The following KCNH5 variants were observed in gnomAD, a reference collection of about 807,000 sequenced individuals.
The protein encoded by KCNH5 is potassium voltage-gated channel subfamily H member 5, also known as voltage-gated delayed rectifier potassium channel KCNH5.
A neutral mutation model predicts 96.1 loss-of-function variants in KCNH5; 46 were observed. The ratio of observed to expected loss-of-function variants is 0.48; its 90% CI spans 0.38 to 0.61. The LOEUF is 0.61. Ranked by LOEUF, KCNH5 falls within the 20% of genes least tolerant of loss-of-function variation. KCNH5 has a pLI of 0.00. For synonymous variants in KCNH5, 439 were observed against 449.8 expected (o/e 0.98, Z 0.30); for missense variants, 907 against 1,225.8 (o/e 0.74, Z 3.88).
chr14:62,900,648 C>T (rs939234737), intron 7 of KCNH5, among the ~76,000 whole-genome samples: 4 of 151,746 alleles, frequency 2.6e-5, no homozygotes, highest in Non-Finnish European at 5.9e-5. Context: ...AATAAATGAG[C>T]TCTGCATCCA....
intron 9 of KCNH5, among the ~76,000 whole-genome samples, chr14:62,800,895 T>C (rs1886646292): frequency 6.6e-6 from 1 of 151,758 alleles, no homozygotes; most frequent in Admixed American, 6.6e-5. Flanking sequence ...GCATTAAACA[T>C]ACCCAGAATG....
intron 7 of KCNH5, among the ~76,000 whole-genome samples, chr14:62,900,611 T>C (rs906344289): frequency 6.6e-6 from 1 of 152,070 alleles, no homozygotes; most frequent in African/African-American, 2.4e-5. Flanking sequence ...GTAGTGGATA[T>C]TTACAGTAAA....
chr14:62,854,059 C>A (rs534485818), intron 7 of KCNH5, among the ~76,000 whole-genome samples: 36 of 151,744 alleles, frequency 2.4e-4, no homozygotes, highest in Non-Finnish European at 2.8e-4. Flanking sequence ...ATCACTGAGG[C>A]CTTCCCTGAC....
chr14:62,748,214 C>A (rs1286440935), intron 10 of KCNH5, among the ~76,000 whole-genome samples: 1 of 152,068 alleles, frequency 6.6e-6, no homozygotes, highest in East Asian at 1.9e-4. Flanking sequence ...AAAGGAGGCA[C>A]GCATCCACCC....
intron 10 of KCNH5, among the ~76,000 whole-genome samples, chr14:62,743,230 T>G (rs1411958141): frequency 6.6e-6 from 1 of 152,212 alleles, no homozygotes; most frequent in Non-Finnish European, 1.5e-5. Flanking sequence ...AAAAGTATAA[T>G]GGGCCTCACC....
chr14:62,954,617 T>C (rs1173076571), intron 6 of KCNH5, among the ~76,000 whole-genome samples: 1 of 152,226 alleles, frequency 6.6e-6, no homozygotes, highest in African/African-American at 2.4e-5. Context: ...GTTGCATTAA[T>C]AGAGTATGTC....
intron 10 of KCNH5, among the ~76,000 whole-genome samples, chr14:62,754,681 C>T (rs1885580191): frequency 6.6e-6 from 1 of 151,530 alleles, no homozygotes; most frequent in South Asian, 2.1e-4. Context: ...ACGACCAGCC[C>T]AGTCAACATG....
chr14:62,764,444 T>G (rs370188444), intron 10 of KCNH5, among the ~76,000 whole-genome samples: 3 of 152,226 alleles, frequency 2.0e-5, no homozygotes, highest in Admixed American at 1.3e-4. Flanking sequence ...GGGGAAGCAT[T>G]TGGCTTGAGA....
chr14:62,986,652 T>C (rs1026144815), intron 5 of KCNH5, among the ~76,000 whole-genome samples: 1 of 152,148 alleles, frequency 6.6e-6, no homozygotes, highest in Non-Finnish European at 1.5e-5. Context: ...CACCCTGTCA[T>C]TGCATCTTTT....
intron 7 of KCNH5, among the ~76,000 whole-genome samples, chr14:62,916,580 C>G (rs1889279293): frequency 6.6e-6 from 1 of 152,162 alleles, no homozygotes; most frequent in African/African-American, 2.4e-5. Flanking sequence ...GACGTGCCTT[C>G]TCTGATTTCT....
At chr14:62,717,142 A>C (rs1595591855) in intron 10 of KCNH5, among the ~76,000 whole-genome samples, 1 of 152,316 alleles carries the variant, frequency 6.6e-6, no homozygotes, top group Non-Finnish European at 1.5e-5. Flanking sequence ...TATTAAAGAA[A>C]ACCTAAATAA....
At chr14:62,863,216 C>T (rs1179932751) in intron 7 of KCNH5, among the ~76,000 whole-genome samples, 1 of 152,124 alleles carries the variant, frequency 6.6e-6, no homozygotes, top group Non-Finnish European at 1.5e-5. Context: ...GTTCTGGACA[C>T]ATAACTATGC....
intron 2 of KCNH5, among the ~76,000 whole-genome samples, chr14:63,007,627 G>T (rs1277902456): frequency 6.6e-6 from 1 of 152,070 alleles, no homozygotes; most frequent in Non-Finnish European, 1.5e-5. Context: ...TATTAAGATA[G>T]TATTATGTGG....
intron 3 of KCNH5, among the ~76,000 whole-genome samples, chr14:63,002,545 G>T (rs1891030195): frequency 6.6e-6 from 1 of 152,174 alleles, no homozygotes; most frequent in Non-Finnish European, 1.5e-5. Flanking sequence ...AGTGAAACGT[G>T]CAGGTATTAA....
intron 7 of KCNH5, among the ~76,000 whole-genome samples, chr14:62,885,930 G>C (rs1888586500): frequency 6.6e-6 from 1 of 152,198 alleles, no homozygotes; most frequent in Non-Finnish European, 1.5e-5. Flanking sequence ...ACAAAGGTTA[G>C]AAGAAAGACC....
intron 10 of KCNH5, among the ~76,000 whole-genome samples, chr14:62,775,445 T>G (rs565659529): frequency 2.0e-5 from 3 of 152,120 alleles, no homozygotes; most frequent in Admixed American, 6.5e-5. Context: ...TCTGGCCTCT[T>G]GGAGAAAAAA....
rs79711684 is a variant in KCNH5 at position 62,963,831 on chromosome 14, G to A, written c.943-13272C>T. ...TAAGAAATTCAGTCAAGAGAGAAAA[G>A]CATACAGACAGAGTCAGTGAGTCAC... On this transcript the variant is annotated intron_variant, in intron 6 of 10. Coordinates refer to ENST00000322893, the MANE Select transcript of KCNH5 (RefSeq NM_139318.5). 1.7e-3 allele frequency among the ~76,000 whole-genome samples: 261 copies of A among 152,172 alleles called. 1 individual carries two copies. The highest frequency in any genetic ancestry group is 3.9e-3 in the Admixed American group (60 of 15,266).
chr14:62,706,122 A>G lies in KCNH5; in HGVS notation c.*1386T>C, dbSNP rs1448513786. The G allele has an allele frequency of 6.6e-6, 1 of 152,028 alleles. No individual in the cohort carries two copies. Among genetic ancestry groups the G allele is most frequent in the East Asian group, 1.9e-4 (1 of 5,196 alleles). The allele number at this position is 152,028 out of a possible 1,614,324, so 9.4% of individuals were successfully genotyped here. A position where few individuals can be genotyped will look rare whatever the true frequency, so the allele number is the denominator to read the frequency against. ...TAAGGGACTAGCTATATACAGGACA[A>G]CTCTTTGTGACTTTTTTTAAAAACT... On this transcript the variant is annotated 3_prime_UTR_variant, in exon 11 of 11. Transcript: ENST00000322893.
At chr14:62,712,504 G>A in intron 10 of KCNH5, 1 of 626,992 alleles carries the variant, frequency 1.6e-6, no homozygotes, top group South Asian at 1.9e-5. Context: ...TTTCCCTTAG[G>A]TCACACAACT....
Sources: gnomAD v4.1 joint callset for allele counts (sites outside exome capture counted in the v4.1 genomes callset) on GRCh38, gnomAD v4.1.1 for gene constraint, MANE v1.5 for transcripts, NCBI Gene and HGNC (gene_info 2026-07-23, HGNC 2026-07-21) for gene names.